ADCY1: variants seen among roughly 807,000 people sequenced by gnomAD.
ADCY1 encodes the protein adenylate cyclase 1.
ADCY1 carries 28 observed loss-of-function variants against 105.4 expected under a neutral mutation model. The ratio of observed to expected loss-of-function variants is 0.27; its 90% CI spans 0.20 to 0.36. The LOEUF (loss-of-function observed/expected upper bound fraction) is 0.36, where lower values mean the gene tolerates loss of function less well. ADCY1 is among the 10% of genes least tolerant of loss of function. The probability of loss-of-function intolerance (pLI) is 1.00; values close to 1 mark genes in which losing one functional copy is unlikely to be tolerated. For synonymous variants in ADCY1, 655 were observed against 623.8 expected, an observed-to-expected ratio of 1.05 and a Z score of -0.75; for missense variants, 977 against 1,434.2, an observed-to-expected ratio of 0.68 and a Z score of 5.15.
At chr7:45,682,148 C>T (rs1156262642) in intron 11 of ADCY1, among the ~76,000 whole-genome samples, 1 of 152,158 alleles carries the variant, frequency 6.6e-6, no homozygotes, top group African/African-American at 2.4e-5. Flanking sequence ...TGGAGCAGAG[C>T]CTGGCACAGC....
In ADCY1 at chr7:45,719,545, A is replaced by G. The variant is rs1371573920; in HGVS notation, c.*5550A>G. 6.6e-6 allele frequency: 1 copy of G among 152,208 alleles called. No individual in the cohort carries two copies. The highest frequency in any genetic ancestry group is 1.5e-5 in the Non-Finnish European group (1 of 68,036). The allele number at this position is 152,208 out of a possible 1,614,324, so 9.4% of individuals were successfully genotyped here. A position where few individuals can be genotyped will look rare whatever the true frequency, so the allele number is the denominator to read the frequency against. ...TTAAATTTCCCTGAAAATTTAATCT[A>G]TTCTGTTCCATATGAAGTCTGTTTC... is the stretch of plus-strand genomic sequence containing the variant. On this transcript the variant is annotated 3_prime_UTR_variant, in exon 20 of 20. Coordinates refer to ENST00000297323, the MANE Select transcript of ADCY1 (RefSeq NM_021116.4).
intron 8 of ADCY1, among the ~76,000 whole-genome samples, chr7:45,677,063 T>C (rs3536): frequency 0.6 from 90,951 of 151,768 alleles, 30,285 homozygotes; most frequent in Non-Finnish European, 0.74. Flanking sequence ...AGGGACACCA[T>C]CCACCCGACA....
chr7:45,612,695 T>C lies in ADCY1; in HGVS notation c.908+2198T>C, dbSNP rs1793622950. ...AGAATCTCAGCTCTAAGCTTCTCTC[T>C]GGGGAGAGAAAGAGTCAGTGTGACC... On this transcript the variant is annotated intron_variant, in intron 3 of 19. Transcript: ENST00000297323. Among the ~76,000 whole-genome samples the C allele has an allele frequency of 1.3e-5, 2 of 152,188 alleles. 1 individual carries two copies. Among genetic ancestry groups the C allele is most frequent in the Admixed American group, 1.3e-4 (2 of 15,286 alleles).
chr7:45,681,445 C>T (rs1399092219), intron 11 of ADCY1, among the ~76,000 whole-genome samples: 17 of 152,106 alleles, frequency 1.1e-4, no homozygotes, highest in Non-Finnish European at 2.1e-4. Flanking sequence ...AAGCATAGAG[C>T]GTTTTTTCCT....
Position 45,679,787 on chromosome 7 carries a change from G to A in ADCY1, c.1977G>A (p.Arg659=). The A allele has an allele frequency of 1.2e-6, 2 of 1,614,026 alleles. No homozygotes were observed. The highest frequency in any genetic ancestry group is 1.7e-6 in the Non-Finnish European group (2 of 1,179,992). ...VACVLYLHIT[R]VQCFPGCLTI... ...GTGTCCTGTACCTGCACATCACCCG[G>A]GTCCAGGTATGTGGGTGGCCTGTGT... The change falls in exon 11 of 20, where the codon CGG becomes CGA. Residue 659 remains arginine (R), a synonymous_variant. Transcript: ENST00000297323.
At chr7:45,622,931 C>T (rs1422024544) in intron 4 of ADCY1, among the ~76,000 whole-genome samples, 188 bp downstream of exon 4, 2 of 152,206 alleles carry the variant, frequency 1.3e-5, no homozygotes, top group Admixed American at 1.3e-4. Flanking sequence ...GAACCGGAGC[C>T]TTGCATTTAC....
At chr7:45,601,395 T>C (rs1429603957) in intron 2 of ADCY1, among the ~76,000 whole-genome samples, 1 of 152,118 alleles carries the variant, frequency 6.6e-6, no homozygotes, top group African/African-American at 2.4e-5. Context: ...TGGCTGGTTG[T>C]GGGTGATGAG....
chr7:45,652,748 T>C (rs1794844288), intron 5 of ADCY1, among the ~76,000 whole-genome samples: 1 of 152,174 alleles, frequency 6.6e-6, no homozygotes, highest in Admixed American at 6.5e-5. Flanking sequence ...AGAGGCCCTC[T>C]GAAGTGCAGG....
chr7:45,651,674 C>T (rs1415004458), intron 5 of ADCY1, among the ~76,000 whole-genome samples: 1 of 152,206 alleles, frequency 6.6e-6, no homozygotes, highest in Non-Finnish European at 1.5e-5. Context: ...GAGTCTGATT[C>T]TGTTCCAGAA....
At chr7:45,603,185 A>G (rs1793285834) in intron 2 of ADCY1, among the ~76,000 whole-genome samples, 1 of 152,192 alleles carries the variant, frequency 6.6e-6, no homozygotes, top group African/African-American at 2.4e-5. Flanking sequence ...GTATGGATGG[A>G]TCACATTTTG....
At chr7:45,603,932 A>C (rs1448970648) in intron 2 of ADCY1, among the ~76,000 whole-genome samples, 1 of 152,114 alleles carries the variant, frequency 6.6e-6, no homozygotes, top group Non-Finnish European at 1.5e-5. Context: ...TGGCTGTATC[A>C]CAGTTTGTTT....
rs111882564 is a variant in ADCY1 at position 45,610,760 on chromosome 7, A to G, written c.908+263A>G. 0.075 allele frequency among the ~76,000 whole-genome samples: 166 copies of G among 2,206 alleles called. 6 individuals carry two copies. The highest frequency in any genetic ancestry group is 0.25 in the Middle Eastern group (2 of 8). 1.4% of individuals were successfully genotyped at this position (2,206 alleles called of 152,430 possible). On this transcript the variant is annotated intron_variant, in intron 3 of 19. Coordinates refer to ENST00000297323, the MANE Select transcript of ADCY1 (RefSeq NM_021116.4). The stretch of plus-strand genomic sequence containing the variant: ...GGTGGGGAGGTGATGATGGAGGTGT[A>G]GAGGTGATAGTGGAGGTGTGGGGGT...
chr7:45,692,641 T>A (rs1267679358), intron 14 of ADCY1, among the ~76,000 whole-genome samples: 1 of 152,200 alleles, frequency 6.6e-6, no homozygotes, highest in African/African-American at 2.4e-5. Context: ...AATACTGTAT[T>A]GTGTACTTGA....
At chr7:45,617,460 A>T (rs899766389) in intron 3 of ADCY1, among the ~76,000 whole-genome samples, 2 of 152,186 alleles carry the variant, frequency 1.3e-5, no homozygotes, top group Non-Finnish European at 2.9e-5. Context: ...TGTTTACCCC[A>T]TCTGCTGGCC....
intron 5 of ADCY1, among the ~76,000 whole-genome samples, chr7:45,649,347 G>A (rs1794751764): frequency 6.6e-6 from 1 of 152,172 alleles, no homozygotes; most frequent in African/African-American, 2.4e-5. Flanking sequence ...TCAGAGACTG[G>A]GATGAAGACA....
chr7:45,712,622 T>C (rs1330644996), intron 19 of ADCY1, among the ~76,000 whole-genome samples: 2 of 151,760 alleles, frequency 1.3e-5, no homozygotes, highest in African/African-American at 4.8e-5. Context: ...TCCCCAACTC[T>C]GGGTATTAGA....
At chr7:45,625,162 T>C (rs932340018) in intron 4 of ADCY1, among the ~76,000 whole-genome samples, 32 of 152,206 alleles carry the variant, frequency 2.1e-4, no homozygotes, top group African/African-American at 7.2e-4. Context: ...CTTCTGCTGT[T>C]CCTTTCTATC....
rs746675248 is a variant in ADCY1, at chr7:45,686,171, G to A, written c.2283G>A (p.Thr761=). ...TGATCCTGCTCTCCGGGCTCACCAC[G>A]TCCTACATCCTCGTTCTGGAGCTCA... ...PKMILLSGLT[T]SYILVLELSG... Residue 761 remains threonine, a synonymous_variant, in exon 13 of 20, where the codon ACG becomes ACA. Transcript: ENST00000297323. This position sits in a 1 kb window ranked among gnomAD's most constrained non-coding sequence, Gnocchi z 4.3. 2.9e-5 allele frequency: 46 copies of A among 1,613,994 alleles called. No homozygotes were observed. Among genetic ancestry groups the A allele is most frequent in the African/African-American group, 6.7e-5 (5 of 74,906 alleles).
At chr7:45,637,550 C>T (rs1794424590) in intron 4 of ADCY1, among the ~76,000 whole-genome samples, 1 of 151,810 alleles carries the variant, frequency 6.6e-6, no homozygotes, top group South Asian at 2.1e-4. Flanking sequence ...AATGAGACCC[C>T]ATTTCTACTG....
Sources: allele counts gnomAD v4.1 joint callset (sites outside exome capture counted in the v4.1 genomes callset), GRCh38; gene constraint gnomAD v4.1.1; non-coding constraint Gnocchi (gnomAD v3.1); transcripts MANE v1.5; gene names NCBI Gene and HGNC (gene_info 2026-07-23, HGNC 2026-07-21).